The following TNIP2 variants were observed in gnomAD, a reference collection of about 807,000 sequenced individuals.
TNIP2 encodes the protein TNFAIP3 interacting protein 2.
TNIP2 carries 30 observed loss-of-function variants against 43.7 expected under a neutral mutation model. The ratio of observed to expected loss-of-function variants is 0.69; its 90% CI spans 0.51 to 0.93. The LOEUF (loss-of-function observed/expected upper bound fraction) is 0.93, where lower values mean the gene tolerates loss of function less well. Among genes scored for constraint, TNIP2 ranks in the 40% least tolerant of loss-of-function variants. TNIP2 has a pLI of 0.00. For missense variants in TNIP2, 599 were observed against 591.0 expected (o/e 1.01, Z -0.14); for synonymous variants, 260 against 254.6 (o/e 1.02, Z -0.20).
chr4:2,753,508 G>A (rs1276401917), intron 1 of TNIP2, among the ~76,000 whole-genome samples: 1 of 152,152 alleles, frequency 6.6e-6, no homozygotes, highest in East Asian at 1.9e-4. Context: ...ACAGGACCAG[G>A]GCCAGTAATA....
rs1721808464 is a variant in TNIP2, at chr4:2,742,242, A to C, written c.*15T>G. 2.1e-6 allele frequency: 3 copies of C among 1,460,512 alleles called. No individual in the cohort carries two copies. Among genetic ancestry groups the C allele is most frequent in the Non-Finnish European group, 2.7e-6 (3 of 1,101,914 alleles). The allele number at this position is 1,460,512 out of a possible 1,614,324, so 90.5% of individuals were successfully genotyped here. On this transcript the variant is annotated 3_prime_UTR_variant, in exon 6 of 6. Coordinates refer to ENST00000315423, the MANE Select transcript of TNIP2 (RefSeq NM_024309.4). ...CACCGGGCCAGGAGGCCGCAAGGGC[A>C]CGGGTGAGTCTCGGTCACTGGCAGC...
intron 1 of TNIP2, among the ~76,000 whole-genome samples, chr4:2,748,764 G>C (rs1422838792): frequency 1.3e-5 from 2 of 151,028 alleles, no homozygotes; most frequent in African/African-American, 4.9e-5. Flanking sequence ...AAAGTACTGG[G>C]ATTATAGGCG....
At position 2,744,973 on chromosome 4, in the gene TNIP2, G is replaced by C. The variant is rs748109974; in HGVS notation, c.658-28C>G. Reference sequence around the variant, plus strand: ...GAAGAGGTGGAGCCGGAAAGCTCACGGTGAAGGCAGCTGACAAAGCTGCTC... The same window carrying C: ...GAAGAGGTGGAGCCGGAAAGCTCACCGTGAAGGCAGCTGACAAAGCTGCTC... On this transcript the variant is annotated intron_variant, in intron 3 of 5. Coordinates refer to ENST00000315423, the MANE Select transcript of TNIP2 (RefSeq NM_024309.4). The surrounding 1 kb of genome is among the most constrained non-coding windows in gnomAD (Gnocchi z 5.1). 9.5e-6 allele frequency: 15 copies of C among 1,583,044 alleles called. No individual in the cohort carries two copies. Among genetic ancestry groups the C allele is most frequent in the Non-Finnish European group, 1.3e-5 (15 of 1,160,282 alleles).
intron 1 of TNIP2, among the ~76,000 whole-genome samples, chr4:2,748,746 G>A (rs1722022484): frequency 7.5e-6 from 1 of 133,750 alleles, no homozygotes; most frequent in African/African-American, 3.3e-5. Flanking sequence ...CGCCAGCCTT[G>A]GCCTCCCAAA....
rs1390060797 is a variant in TNIP2 at position 2,745,545 on chromosome 4, G to A, written c.568-10C>T. Reference sequence around the variant, plus strand: ...CATCTGTGTGTTCCGACTGCATGAGGAAGGGACAGAGAGAAGACACTCTGT... The same window carrying A: ...CATCTGTGTGTTCCGACTGCATGAGAAAGGGACAGAGAGAAGACACTCTGT... On this transcript the variant is annotated splice_polypyrimidine_tract_variant and intron_variant, in intron 2 of 5. Transcript: ENST00000315423. 2 of 1,605,114 alleles carry A rather than the reference G, an allele frequency of 1.2e-6. No individual in the cohort carries two copies. The highest frequency in any genetic ancestry group is 1.1e-5 in the South Asian group (1 of 90,556).
rs1008033434 is a variant in TNIP2, at chr4:2,744,990, A to C, written c.658-45T>G. 1 of 1,569,776 alleles carries C rather than the reference A, an allele frequency of 6.4e-7. No homozygotes were observed. The highest frequency in any genetic ancestry group is 1.4e-5 in the African/African-American group (1 of 73,822). ...AAGCTCACGGTGAAGGCAGCTGACAAAGCTGCTCAAGCCAGCACCCAGTGT... is the reference window on the plus strand; with the variant it reads ...AAGCTCACGGTGAAGGCAGCTGACACAGCTGCTCAAGCCAGCACCCAGTGT... On this transcript the variant is annotated intron_variant, in intron 3 of 5. Transcript: ENST00000315423. This position sits in a 1 kb window ranked among gnomAD's most constrained non-coding sequence, Gnocchi z 5.1.
At chr4:2,754,048 A>G (rs986798119) in intron 1 of TNIP2, among the ~76,000 whole-genome samples, 9 of 152,236 alleles carry the variant, frequency 5.9e-5, no homozygotes, top group Admixed American at 4.6e-4. Context: ...GTGGGACTAC[A>G]GCGGCTATTT....
At chr4:2,745,351 C>T (rs765602383) in intron 3 of TNIP2, 95 bp downstream of exon 3, 13 of 938,500 alleles carry the variant, frequency 1.4e-5, no homozygotes, top group Admixed American at 6.0e-5. Context: ...GGCCAGAGGG[C>T]GGGGGGCGAC....
chr4:2,755,977 C>A, intron 1 of TNIP2, 37 bp downstream of exon 1: 1 of 1,511,778 alleles, frequency 6.6e-7, no homozygotes, highest in East Asian at 2.7e-5. Flanking sequence ...CACACGCACT[C>A]TCGCTCCCGC....
intron 1 of TNIP2, among the ~76,000 whole-genome samples, chr4:2,752,244 CCTATGAAG>C (rs1722123509): frequency 6.6e-6 from 1 of 152,150 alleles, no homozygotes; most frequent in African/African-American, 2.4e-5. Flanking sequence ...CCAGGCAAAG[CCTATGAAG>C]CTGGTCCCGA....
chr4:2,754,163 T>A (rs1722167964), intron 1 of TNIP2, among the ~76,000 whole-genome samples: 2 of 152,264 alleles, frequency 1.3e-5, no homozygotes, highest in African/African-American at 4.8e-5. Context: ...GGGCCAACCC[T>A]GGAGACAAAA....
chr4:2,743,412 C>T (rs1721848870), intron 5 of TNIP2, among the ~76,000 whole-genome samples: 1 of 152,188 alleles, frequency 6.6e-6, no homozygotes, highest in Admixed American at 6.5e-5. Flanking sequence ...AGTGCTCCTT[C>T]AATCCAAATC....
chr4:2,747,988 A>G, intron 1 of TNIP2, 43 bp from the exon 2 acceptor site: 3 of 1,588,824 alleles, frequency 1.9e-6, no homozygotes, highest in Non-Finnish European at 2.6e-6. Flanking sequence ...AATTAAAAGA[A>G]GCAGTGTCAA....
intron 1 of TNIP2, among the ~76,000 whole-genome samples, chr4:2,750,278 G>A (rs543187799): frequency 1.3e-5 from 2 of 152,174 alleles, no homozygotes; most frequent in Admixed American, 6.5e-5. Flanking sequence ...CAGAAGTGGC[G>A]GGAGAAGGGT....
At position 2,756,073 on chromosome 4, in the gene TNIP2, G is replaced by A. The variant is rs74548850; in HGVS notation, c.217C>T (p.Arg73Cys). Residue 73 changes from arginine to cysteine, a missense_variant, in exon 1 of 6, where the codon CGC becomes TGC. Arg to Cys is a radical substitution (Grantham distance 180). Coordinates refer to ENST00000315423, the MANE Select transcript of TNIP2 (RefSeq NM_024309.4). ...LVDALLEQVARFREQLRRQEG... is the reference protein window; with the variant it reads ...LVDALLEQVACFREQLRRQEG... ...TGCCTTCGCAGCTGCTCCCGGAAGC[G>A]CGCAACCTGCTCCAGCAGCGCGTCC... 2.3e-5 allele frequency: 35 copies of A among 1,537,660 alleles called. No individual in the cohort carries two copies. The highest frequency in any genetic ancestry group is 2.9e-5 in the Non-Finnish European group (34 of 1,154,366).
At chr4:2,743,370 C>T (rs146080440) in intron 5 of TNIP2, among the ~76,000 whole-genome samples, 4 of 152,270 alleles carry the variant, frequency 2.6e-5, no homozygotes, top group East Asian at 3.9e-4. Context: ...CTTCAAGAGG[C>T]GGCCTGAGAC....
At chr4:2,753,422 AGAGT>A (rs1051141504) in intron 1 of TNIP2, among the ~76,000 whole-genome samples, 12 of 152,232 alleles carry the variant, frequency 7.9e-5, no homozygotes, top group African/African-American at 2.2e-4. Context: ...CCTGGGTAAC[AGAGT>A]GAGACCCTGT....
At chr4:2,749,181 A>G (rs6600768) in intron 1 of TNIP2, among the ~76,000 whole-genome samples, 150,745 of 152,288 alleles carry the variant, frequency 0.99, 74,620 homozygotes, top group East Asian at 1. Flanking sequence ...ATATAGCCCA[A>G]GCTGGTCTTA....
At chr4:2,755,944 C>T in intron 1 of TNIP2, 70 bp downstream of exon 1, 1 of 1,447,192 alleles carries the variant, frequency 6.9e-7, no homozygotes, top group Non-Finnish European at 9.0e-7. Context: ...CGCTCGCTCA[C>T]CCACCCAGGA....
Sources: gnomAD v4.1 joint callset for allele counts (sites outside exome capture counted in the v4.1 genomes callset) on GRCh38, gnomAD v4.1.1 for gene constraint, Gnocchi (gnomAD v3.1) non-coding constraint, MANE v1.5 for transcripts, NCBI Gene and HGNC (gene_info 2026-07-23, HGNC 2026-07-21) for gene names.